GNB4: variants seen among roughly 807,000 people sequenced by gnomAD.
The protein encoded by GNB4 is G protein subunit beta 4, also known as guanine nucleotide-binding protein subunit beta-4.
In GNB4, 28 loss-of-function variants were observed where a neutral mutation model predicts 45.2. The ratio of observed to expected loss-of-function variants is 0.62; its 90% CI spans 0.46 to 0.85. The LOEUF (loss-of-function observed/expected upper bound fraction) is 0.85, where lower values mean the gene tolerates loss of function less well. Ranked by LOEUF, GNB4 falls within the 40% of genes least tolerant of loss-of-function variation. The pLI, the probability that GNB4 is intolerant of heterozygous loss-of-function variation, is 0.00. For synonymous variants in GNB4, 132 were observed against 143.7 expected, an observed-to-expected ratio of 0.92 and a Z score of 0.58; for missense variants, 321 against 425.4, an observed-to-expected ratio of 0.75 and a Z score of 2.16.
chr3:179,499,155 C>CTTTTTT, the GNB4 span, among the ~76,000 whole-genome samples: 6 of 111,504 alleles, frequency 5.4e-5, no homozygotes, highest in Non-Finnish European at 7.2e-5. Flanking sequence ...GCCACATTTT[C>CTTTTTT]TTTTTTTTTT....
rs533149917 is a variant in GNB4, at chr3:179,416,219, T to A, written c.267+274A>T. Among the ~76,000 whole-genome samples, 14 of 152,304 alleles carry A rather than the reference T, an allele frequency of 9.2e-5. 1 individual carries two copies. The South Asian group carries it at 1.0e-3, about 11-fold the overall frequency. On this transcript the variant is annotated intron_variant, in intron 5 of 9. Transcript: ENST00000232564. ...TGTCATATTAGGAAATGGGAATTTT[T>A]AAAAATCATTTATTAGTATATGTAA...
the GNB4 span, among the ~76,000 whole-genome samples, chr3:179,493,570 C>T: frequency 6.7e-6 from 1 of 150,046 alleles, no homozygotes; most frequent in African/African-American, 2.4e-5. Context: ...GTCTTTAGGA[C>T]TTATGGGACT....
the GNB4 span, among the ~76,000 whole-genome samples, chr3:179,513,629 C>T: frequency 1.3e-5 from 2 of 152,008 alleles, no homozygotes; most frequent in Non-Finnish European, 2.9e-5. Flanking sequence ...CTGCAAAGCC[C>T]TCCTTTTTTA....
the GNB4 span, among the ~76,000 whole-genome samples, chr3:179,495,656 A>G: frequency 6.6e-6 from 1 of 151,586 alleles, no homozygotes; most frequent in South Asian, 2.1e-4. Flanking sequence ...GGAGGGAAGG[A>G]AGGAAGGAAG....
the GNB4 span, among the ~76,000 whole-genome samples, chr3:179,496,965 C>T: frequency 6.6e-6 from 1 of 152,052 alleles, no homozygotes; most frequent in South Asian, 2.1e-4. Context: ...TAGACTTGTA[C>T]TACACATTAG....
the GNB4 span, among the ~76,000 whole-genome samples, chr3:179,468,091 G>A: frequency 2.8e-5 from 4 of 141,580 alleles, no homozygotes; most frequent in African/African-American, 1.0e-4. Context: ...CCAGCTACCC[G>A]GGAGGCTGAG....
At chr3:179,464,207 C>T in the GNB4 span, 3 of 382,824 alleles carry the variant, frequency 7.8e-6, no homozygotes, top group Non-Finnish European at 1.5e-5. Context: ...ATCTATAATC[C>T]CAACGTTTTA....
At chr3:179,454,818 C>G (rs1274072293), upstream of GNB4, among the ~76,000 whole-genome samples, 1 of 151,842 alleles carries the variant, frequency 6.6e-6, no homozygotes, top group Non-Finnish European at 1.5e-5. Flanking sequence ...ACTACCGTAA[C>G]AGATTTTATT....
the GNB4 span, among the ~76,000 whole-genome samples, chr3:179,481,499 T>C: frequency 2.0e-3 from 305 of 152,180 alleles, 1 homozygote; most frequent in African/African-American, 7.1e-3. Context: ...TAAAAAACTT[T>C]TGTTTCAATT....
the GNB4 span, among the ~76,000 whole-genome samples, chr3:179,508,943 T>TATATATATATATATAC: frequency 6.9e-6 from 1 of 144,634 alleles, no homozygotes; most frequent in African/African-American, 2.6e-5. Context: ...TATATATATA[T>TATATATATATATATAC]ATATATATAT....
At chr3:179,489,181 C>T in the GNB4 span, among the ~76,000 whole-genome samples, 2 of 149,122 alleles carry the variant, frequency 1.3e-5, no homozygotes, top group Admixed American at 1.3e-4. Flanking sequence ...ATAGTTTTAC[C>T]ACAAATGTCA....
chr3:179,434,316 A>G (rs2108611512), intron 1 of GNB4, among the ~76,000 whole-genome samples: 1 of 152,320 alleles, frequency 6.6e-6, no homozygotes, highest in Non-Finnish European at 1.5e-5. Context: ...ATAAATCTTT[A>G]AAATAATATT....
At chr3:179,472,122 A>G in the GNB4 span, among the ~76,000 whole-genome samples, 1 of 152,146 alleles carries the variant, frequency 6.6e-6, no homozygotes, top group African/African-American at 2.4e-5. Flanking sequence ...TCACAAAATG[A>G]AAATGAAGTA....
chr3:179,522,025 C>G, the GNB4 span, among the ~76,000 whole-genome samples: 1 of 152,062 alleles, frequency 6.6e-6, no homozygotes, highest in Non-Finnish European at 1.5e-5. Context: ...TTTCGCCGCC[C>G]CAACACTTCA....
the GNB4 span, among the ~76,000 whole-genome samples, chr3:179,515,988 G>A: frequency 6.6e-6 from 1 of 152,118 alleles, no homozygotes; most frequent in African/African-American, 2.4e-5. Context: ...CAAGACACAG[G>A]GTCTGAATAA....
the GNB4 span, among the ~76,000 whole-genome samples, chr3:179,474,385 G>C: frequency 1.3e-5 from 2 of 151,982 alleles, no homozygotes; most frequent in African/African-American, 4.8e-5. Flanking sequence ...CACCATGCCT[G>C]GCTAATTATT....
chr3:179,447,946 A>G (rs935954978), intron 1 of GNB4, among the ~76,000 whole-genome samples: 5 of 152,230 alleles, frequency 3.3e-5, no homozygotes, highest in African/African-American at 1.2e-4. Flanking sequence ...GCGGTGTCCC[A>G]GAAGCCAAGG....
the GNB4 span, among the ~76,000 whole-genome samples, chr3:179,485,831 T>C: frequency 6.6e-6 from 1 of 152,062 alleles, no homozygotes; most frequent in Non-Finnish European, 1.5e-5. Flanking sequence ...TCGCAGCTAC[T>C]CAGGAGGCTG....
chr3:179,495,780 C>A, the GNB4 span, among the ~76,000 whole-genome samples: 1 of 152,096 alleles, frequency 6.6e-6, no homozygotes, highest in African/African-American at 2.4e-5. Flanking sequence ...CAGCAGAAAC[C>A]TTGCAGGCCA....
Sources: gnomAD v4.1 joint callset for allele counts (sites outside exome capture counted in the v4.1 genomes callset) on GRCh38, gnomAD v4.1.1 for gene constraint, MANE v1.5 for transcripts, NCBI Gene and HGNC (gene_info 2026-07-23, HGNC 2026-07-21) for gene names.